DUOX1: variants seen among roughly 807,000 people sequenced by gnomAD.
DUOX1 encodes the protein NADPH thyroid oxidase 1.
DUOX1 carries 134 observed loss-of-function variants against 181.8 expected under a neutral mutation model. That is an observed-to-expected ratio of 0.74 (90% confidence interval 0.64 to 0.85). The LOEUF (loss-of-function observed/expected upper bound fraction) is 0.85, where lower values mean the gene tolerates loss of function less well. Among genes scored for constraint, DUOX1 ranks in the 40% least tolerant of loss-of-function variants. The pLI, the probability that DUOX1 is intolerant of heterozygous loss-of-function variation, is 0.00. For missense variants in DUOX1, 1,814 were observed against 2,064.4 expected (o/e 0.88, Z 2.35); for synonymous variants, 798 against 832.5 (o/e 0.96, Z 0.71).
intron 27 of DUOX1, 104 bp from the exon 28 acceptor site, chr15:45,155,698 A>T: frequency 6.5e-7 from 1 of 1,536,222 alleles, no homozygotes; most frequent in Non-Finnish European, 8.9e-7. Flanking sequence ...GGACATTCTT[A>T]CTCCAACTTG....
At chr15:45,146,950 T>C (rs1291683416) in intron 18 of DUOX1, among the ~76,000 whole-genome samples, 3 of 152,186 alleles carry the variant, frequency 2.0e-5, no homozygotes, top group Admixed American at 2.0e-4. Context: ...TAAAACTTTT[T>C]TTACACATAA....
Position 45,153,424 on chromosome 15 carries a change from A to C in DUOX1, c.3469A>C (p.Ile1157Leu). ...TGTGGTGAATGTGTACCTGTTCTCC[A>C]TCAGCCCCCTCAGCGTCCTCTCTTG... is the stretch of plus-strand genomic sequence containing the variant. The part of the protein sequence containing the change: ...GHVVNVYLFS[I>L]SPLSVLSCLF... Residue 1157 changes from isoleucine (I) to leucine (L), a missense_variant, in exon 26 of 34, where the codon ATC becomes CTC. Coordinates refer to ENST00000389037, the MANE Select transcript of DUOX1 (RefSeq NM_175940.3). The C allele has an allele frequency of 6.2e-7, 1 of 1,612,908 alleles. No homozygotes were observed. Among genetic ancestry groups the C allele is most frequent in the Non-Finnish European group, 8.5e-7 (1 of 1,179,812 alleles).
intron 4 of DUOX1, among the ~76,000 whole-genome samples, chr15:45,134,843 C>G (rs1896245649): frequency 6.6e-6 from 1 of 152,134 alleles, no homozygotes; most frequent in Non-Finnish European, 1.5e-5. Context: ...GCCCGTTTGC[C>G]TAGGCACACT....
intron 1 of DUOX1, among the ~76,000 whole-genome samples, chr15:45,130,652 G>A (rs1896093344): frequency 6.6e-6 from 1 of 152,206 alleles, no homozygotes; most frequent in Non-Finnish European, 1.5e-5. Context: ...CTGCCCCATC[G>A]TTGTGTAAAT....
intron 30 of DUOX1, 84 bp from the exon 31 acceptor site, chr15:45,162,135 A>G: frequency 1.3e-6 from 2 of 1,547,552 alleles, no homozygotes; most frequent in Non-Finnish European, 8.8e-7. Flanking sequence ...CCATATACGT[A>G]TCTACCTTTC....
chr15:45,161,028 G>T, intron 29 of DUOX1, 38 bp downstream of exon 29: 1 of 1,613,192 alleles, frequency 6.2e-7, no homozygotes, highest in South Asian at 1.1e-5. Context: ...GTGACACTGA[G>T]GGAGCTGACC....
intron 2 of DUOX1, among the ~76,000 whole-genome samples, chr15:45,133,382 C>G (rs886970460): frequency 1.3e-5 from 2 of 152,184 alleles, no homozygotes; most frequent in Non-Finnish European, 1.5e-5. Flanking sequence ...AGTCCCCTCA[C>G]CACACCGACC....
chr15:45,153,219 TAAAAAAAAAAAAAAA>T (rs71114313), intron 25 of DUOX1, 146 bp from the exon 26 acceptor site: 1 of 199,238 alleles, frequency 5.0e-6, no homozygotes, highest in Non-Finnish European at 9.3e-6. Flanking sequence ...AGACTCCATC[TAAAAAAAAAAAAAAA>T]AAAAAAAAAA....
At chr15:45,163,445 T>G (rs929521062) in intron 31 of DUOX1, 87 bp from the exon 32 acceptor site, 22 of 1,566,562 alleles carry the variant, frequency 1.4e-5, no homozygotes, top group Non-Finnish European at 1.9e-5. Flanking sequence ...CTAGCTGTGG[T>G]CAGAAGAGTT....
At chr15:45,134,083 G>A in intron 3 of DUOX1, 62 bp from the exon 4 acceptor site, 1 of 1,540,848 alleles carries the variant, frequency 6.5e-7, no homozygotes, top group South Asian at 1.3e-5. Flanking sequence ...GAAAGCCTGG[G>A]AGAGAGGGGG....
At chr15:45,135,435 C>A in intron 5 of DUOX1, 39 bp from the exon 6 acceptor site, 2 of 1,535,892 alleles carry the variant, frequency 1.3e-6, no homozygotes. Flanking sequence ...AGCTCGCCGC[C>A]GCCCATCGAC....
In DUOX1 at chr15:45,136,539, AT is replaced by A; in HGVS notation, c.939del (p.Leu314TrpfsTer27). 1 of 1,614,084 alleles carries A rather than the reference AT, an allele frequency of 6.2e-7. No homozygotes were observed. On this transcript the variant is annotated frameshift_variant, in exon 9 of 34. Transcript: ENST00000389037. LOFTEE classifies it high-confidence loss of function. ...CTCCTATTTCCCCAGGATACCGGCC[AT>A]TTCTGGACCCCAGCATCTCCTCAGA... Reference protein sequence around the residue: ...TLPEYTGYRPFLDPSISSEFV... With the variant: ...TLPEYTGYRPXLDPSISSEFV...
At chr15:45,153,219 TAAAAAAAAAA>T (rs71114313) in intron 25 of DUOX1, 151 bp from the exon 26 acceptor site, 9 of 200,416 alleles carry the variant, frequency 4.5e-5, no homozygotes, top group South Asian at 7.8e-5. Flanking sequence ...AGACTCCATC[TAAAAAAAAAA>T]AAAAAAAAAA....
At chr15:45,145,263 C>T (rs976921286) in intron 18 of DUOX1, among the ~76,000 whole-genome samples, 183 bp downstream of exon 18, 2 of 152,154 alleles carry the variant, frequency 1.3e-5, no homozygotes, top group Non-Finnish European at 2.9e-5. Context: ...ATCTGAACCC[C>T]ACCTCCAACT....
At chr15:45,164,359 A>G (rs1897177890) in intron 33 of DUOX1, among the ~76,000 whole-genome samples, 2 of 152,152 alleles carry the variant, frequency 1.3e-5, no homozygotes, top group South Asian at 4.1e-4. Context: ...CCCAACCTCT[A>G]TTAGAAATGT....
At chr15:45,152,084 C>G in intron 24 of DUOX1, 32 bp downstream of exon 24, 1 of 1,606,328 alleles carries the variant, frequency 6.2e-7, no homozygotes. Context: ...GAGCCCTGTC[C>G]CTAGGCTTGC....
intron 2 of DUOX1, among the ~76,000 whole-genome samples, chr15:45,132,598 C>T (rs1052726977): frequency 1.3e-5 from 2 of 152,072 alleles, no homozygotes; most frequent in African/African-American, 4.8e-5. Context: ...AGATCAAGTC[C>T]CTGATCACTG....
rs774730179 is a variant in DUOX1, at chr15:45,152,382, TCTC to T, written c.3293_3295del (p.Ser1098del). On this transcript the variant is annotated inframe_deletion, in exon 25 of 34. Transcript: ENST00000389037. ...ACAGCAGCCAGCATCTCTTTCATGT[TCTC>T]CTACATCTTGCTCACCATGTGCCGC... is the stretch of plus-strand genomic sequence containing the variant. 1 of 1,614,194 alleles carries T rather than the reference TCTC, an allele frequency of 6.2e-7. No individual in the cohort carries two copies. Among genetic ancestry groups the T allele is most frequent in the South Asian group, 1.1e-5 (1 of 91,088 alleles).
At chr15:45,152,584 G>A in intron 25 of DUOX1, 68 bp downstream of exon 25, 1 of 1,394,924 alleles carries the variant, frequency 7.2e-7, no homozygotes, top group Non-Finnish European at 1.0e-6. Context: ...CCTCGTATGA[G>A]AGCCCCCCTC....
Sources: allele counts gnomAD v4.1 joint callset (sites outside exome capture counted in the v4.1 genomes callset), GRCh38; gene constraint gnomAD v4.1.1; transcripts MANE v1.5; gene names NCBI Gene and HGNC (gene_info 2026-07-23, HGNC 2026-07-21).